NFATC4: variants seen among roughly 807,000 people sequenced by gnomAD.
The protein encoded by NFATC4 is nuclear factor of activated T cells 4, also known as nuclear factor of activated T-cells, cytoplasmic 4.
A neutral mutation model predicts 73.4 loss-of-function variants in NFATC4; 25 were observed. The ratio of observed to expected loss-of-function variants is 0.34; its 90% confidence interval spans 0.25 to 0.48. The LOEUF (loss-of-function observed/expected upper bound fraction) is 0.48, where lower values mean the gene tolerates loss of function less well. NFATC4 is among the 20% of genes least tolerant of loss of function. NFATC4 has a pLI of 0.99. For synonymous variants in NFATC4, 523 were observed against 510.3 expected (o/e 1.02, Z -0.34); for missense variants, 1,130 against 1,203.7 (o/e 0.94, Z 0.91).
rs112731647 is a variant in NFATC4, at chr14:24,372,385, C to T, written c.1197-56C>T. 4.8e-5 allele frequency: 76 copies of T among 1,577,602 alleles called. 1 individual carries two copies. In the Middle Eastern group the frequency reaches 8.7e-4, roughly 18 times the overall value. ...CCCCTCCTCCCTCACAGATCCAGTA[C>T]GGGCCTGACTGGGGTCTGAGGCTGC... is the stretch of plus-strand genomic sequence containing the variant. On this transcript the variant is annotated intron_variant, in intron 2 of 9. Transcript: ENST00000250373.
At position 24,368,373 on chromosome 14, in the gene NFATC4, G is replaced by A; in HGVS notation, c.33G>A (p.Leu11=). 1 of 1,376,016 alleles carries A rather than the reference G, an allele frequency of 7.3e-7. No individual in the cohort carries two copies. The highest frequency in any genetic ancestry group is 1.9e-5 in the South Asian group (1 of 52,740). 85.2% of individuals were successfully genotyped at this position (1,376,016 alleles called of 1,614,324 possible). MGAASCEDEE[L]EFKLVFGEEK... ...CGGCCAGCTGCGAGGATGAGGAGCT[G>A]GAATTTAAGCTGGTGTTCGGGGAGG... is the stretch of plus-strand genomic sequence containing the variant. The change falls in exon 1 of 10, where the codon CTG becomes CTA. Residue 11 remains leucine, a synonymous_variant. Coordinates refer to ENST00000250373, the MANE Select transcript of NFATC4 (RefSeq NM_004554.5).
intron 1 of NFATC4, 38 bp from the exon 2 acceptor site, chr14:24,369,461 T>C: frequency 1.2e-6 from 2 of 1,612,538 alleles, no homozygotes; most frequent in Non-Finnish European, 1.7e-6. Context: ...GCTTCTCTCT[T>C]TCCCCCTCTC....
At chr14:24,369,142 T>C in intron 1 of NFATC4, 2 of 1,450,124 alleles carry the variant, frequency 1.4e-6, no homozygotes, top group Non-Finnish European at 1.8e-6. Flanking sequence ...GAACCGCTGC[T>C]AATTGGGTTC....
chr14:24,373,425 C>A lies in NFATC4; in HGVS notation c.1559+55C>A. On this transcript the variant is annotated intron_variant, in intron 4 of 9. Coordinates refer to ENST00000250373, the MANE Select transcript of NFATC4 (RefSeq NM_004554.5). The surrounding 1 kb of genome is among the most constrained non-coding windows in gnomAD (Gnocchi z 4.7). Reference sequence around the variant, plus strand: ...GCAGGCTTTGTACTAGCTTTCTCCACTGGGCCTATGCTAGCCCACTTCTTC... The same window carrying A: ...GCAGGCTTTGTACTAGCTTTCTCCAATGGGCCTATGCTAGCCCACTTCTTC... The A allele has an allele frequency of 6.3e-7, 1 of 1,587,150 alleles. No individual in the cohort carries two copies. Among genetic ancestry groups the A allele is most frequent in the Non-Finnish European group, 8.6e-7 (1 of 1,159,098 alleles).
chr14:24,375,191 G>A (rs1007155887), intron 6 of NFATC4, among the ~76,000 whole-genome samples: 26 of 152,122 alleles, frequency 1.7e-4, no homozygotes, highest in African/African-American at 6.0e-4. Flanking sequence ...TGGGATTACA[G>A]GCATGAGCCA....
At position 24,373,707 on chromosome 14, in the gene NFATC4, G is replaced by A. The variant is rs1166898005; in HGVS notation, c.1572G>A (p.Ala524=). The A allele has an allele frequency of 1.4e-5, 22 of 1,610,110 alleles. No homozygotes were observed. Among genetic ancestry groups the A allele is most frequent in the Middle Eastern group, 1.6e-4 (1 of 6,070 alleles). Reference sequence around the variant, plus strand: ...CCTTTGCCTCCAGCATTGACTGCGCGGGAATCCTGAAGCTTCGGAATTCAG... The same window carrying A: ...CCTTTGCCTCCAGCATTGACTGCGCAGGAATCCTGAAGCTTCGGAATTCAG... ...ENNMAANIDC[A]GILKLRNSDI... is the part of the protein sequence containing the mutation. The change falls in exon 5 of 10, where the codon GCG becomes GCA. Residue 524 remains alanine, a synonymous_variant. Coordinates refer to ENST00000250373, the MANE Select transcript of NFATC4 (RefSeq NM_004554.5). The surrounding 1 kb of genome is among the most constrained non-coding windows in gnomAD (Gnocchi z 4.7).
At chr14:24,375,754 TGGGA>T in intron 7 of NFATC4, 39 bp downstream of exon 7, 6 of 525,588 alleles carry the variant, frequency 1.1e-5, no homozygotes, top group Non-Finnish European at 1.6e-5. Context: ...GGGGCGGGGG[TGGGA>T]GAAGGCAGGG....
In NFATC4 at chr14:24,368,404, G is replaced by C. The variant is rs1331137827; in HGVS notation, c.64G>C (p.Glu22Gln). The change falls in exon 1 of 10, where the codon GAG becomes CAG. Residue 22 changes from glutamate (E) to glutamine (Q), a missense_variant. Around this residue, in one of 3 missense-constraint regions of NFATC4, gnomAD observed 585 missense variants for 574.3 expected, o/e 1.02. Transcript: ENST00000250373. ...EFKLVFGEEK[E>Q]APPLGAGGLG... is the part of the protein sequence containing the mutation. ...TAAGCTGGTGTTCGGGGAGGAAAAG[G>C]AGGCCCCCCCGCTGGGCGCGGGGGG... 3.7e-6 allele frequency: 5 copies of C among 1,353,912 alleles called. No homozygotes were observed. In the East Asian group the frequency reaches 1.2e-4, roughly 33 times the overall value. The allele number at this position is 1,353,912 out of a possible 1,614,324, so 83.9% of individuals were successfully genotyped here. A position where few individuals can be genotyped will look rare whatever the true frequency, so the allele number is the denominator to read the frequency against.
chr14:24,370,610 G>A lies in NFATC4; in HGVS notation c.1196+16G>A, dbSNP rs200091677. 3.1e-6 allele frequency: 5 copies of A among 1,594,002 alleles called. No homozygotes were observed. The African/African-American group carries it at 4.0e-5, about 13-fold the overall frequency. On this transcript the variant is annotated intron_variant, in intron 2 of 9. Transcript: ENST00000250373. ...CTATCTTCAGGTGAGGGTTGCGCCT[G>A]GCACTACCGCTCTCTCTAGCCATTC... is the stretch of plus-strand genomic sequence containing the variant.
rs760982551 is a variant in NFATC4, at chr14:24,368,409, C to T, written c.69C>T (p.Ala23=). The change falls in exon 1 of 10, where the codon GCC becomes GCT. Residue 23 remains alanine (A), a synonymous_variant. Transcript: ENST00000250373. ...FKLVFGEEKE[A]PPLGAGGLGE... The stretch of plus-strand genomic sequence containing the variant: ...TGGTGTTCGGGGAGGAAAAGGAGGC[C>T]CCCCCGCTGGGCGCGGGGGGATTGG... The T allele has an allele frequency of 5.2e-6, 7 of 1,348,450 alleles. No individual in the cohort carries two copies. The highest frequency in any genetic ancestry group is 1.5e-5 in the African/African-American group (1 of 65,490). The allele number at this position is 1,348,450 out of a possible 1,614,324, so 83.5% of individuals were successfully genotyped here.
intron 5 of NFATC4, 114 bp from the exon 6 acceptor site, chr14:24,374,212 C>T (rs1020525624): frequency 3.0e-6 from 4 of 1,313,236 alleles, no homozygotes; most frequent in Non-Finnish European, 4.2e-6. Context: ...GTGTCTACTG[C>T]TGAGGAGGGC....
chr14:24,372,779 A>G, intron 3 of NFATC4, 176 bp downstream of exon 3: 1 of 726,678 alleles, frequency 1.4e-6, no homozygotes. Flanking sequence ...TATACTTTCT[A>G]CTCCTGTCCT....
At position 24,370,436 on chromosome 14, in the gene NFATC4, G is replaced by A. The variant is rs775232914; in HGVS notation, c.1038G>A (p.Glu346=). The change falls in exon 2 of 10, where the codon GAG becomes GAA. Residue 346 remains glutamate, a synonymous_variant. Transcript: ENST00000250373. ...CAGTGGCTCTGCCTCGGTCTGAGGA[G>A]CCTGCCTCATGCAATGGGAAGCTGC... ...EQAVALPRSE[E]PASCNGKLPL... The A allele has an allele frequency of 1.9e-6, 3 of 1,614,024 alleles. No homozygotes were observed. The highest frequency in any genetic ancestry group is 3.3e-5 in the Admixed American group (2 of 60,014).
Position 24,375,645 on chromosome 14 carries a change from G to C in NFATC4, c.1874-15G>C. 6.4e-7 allele frequency: 1 copy of C among 1,550,512 alleles called. No individual in the cohort carries two copies. Among genetic ancestry groups the C allele is most frequent in the Non-Finnish European group, 8.7e-7 (1 of 1,145,978 alleles). ...CGCTGGAGTTGGGCTGCAGCTCTCT[G>C]TTCCCTCTGGACAGATGGGAAGCTG... On this transcript the variant is annotated splice_polypyrimidine_tract_variant and intron_variant, in intron 6 of 9. Transcript: ENST00000250373.
intron 3 of NFATC4, chr14:24,372,930 A>G (rs920767558): frequency 3.3e-6 from 2 of 599,778 alleles, no homozygotes; most frequent in African/African-American, 3.7e-5. Context: ...GAGTTGGGCC[A>G]GTCTCTTTGG....
rs77893724 is a variant in NFATC4 at position 24,373,357 on chromosome 14, A to C, written c.1546A>C (p.Asn516His). The C allele has an allele frequency of 1.5e-4, 239 of 1,613,922 alleles. 1 individual carries two copies. The East Asian group carries it at 4.3e-3, about 29-fold the overall frequency. Residue 516 changes from asparagine to histidine, a missense_variant, in exon 4 of 10, where the codon AAC (asparagine) becomes CAC (histidine). Transcript: ENST00000250373. The surrounding 1 kb of genome is among the most constrained non-coding windows in gnomAD (Gnocchi z 4.7). ...VLEMTLLPEN[N>H]MAANIDCAGI... Reference sequence around the variant, plus strand: ...GGAGATGACTCTGCTGCCTGAGAACAACATGGCGGCCAAGTAAGTCCCATG... The same window carrying C: ...GGAGATGACTCTGCTGCCTGAGAACCACATGGCGGCCAAGTAAGTCCCATG...
rs757168461 is a variant in NFATC4, at chr14:24,376,505, A to G, written c.2268A>G (p.Pro756=). The G allele has an allele frequency of 1.2e-6, 2 of 1,613,648 alleles. No homozygotes were observed. Among genetic ancestry groups the G allele is most frequent in the East Asian group, 2.2e-5 (1 of 44,858 alleles). Residue 756 remains proline (P), a synonymous_variant, in exon 9 of 10, where the codon CCA becomes CCG. Transcript: ENST00000250373. This position sits in a 1 kb window ranked among gnomAD's most constrained non-coding sequence, Gnocchi z 5.0. The part of the protein sequence containing the change: ...PPLYPQTGPP[P]SYRPGLRMFP... ...TGTACCCCCAGACGGGGCCCCCACCATCCTACAGACCGGGCCTGCGGATGT... is the reference window on the plus strand; with the variant it reads ...TGTACCCCCAGACGGGGCCCCCACCGTCCTACAGACCGGGCCTGCGGATGT...
rs1044708415 is a variant in NFATC4 at position 24,379,466 on chromosome 14, C to A, written c.*1761C>A. On this transcript the variant is annotated 3_prime_UTR_variant, in exon 10 of 10. Transcript: ENST00000250373. Reference sequence around the variant, plus strand: ...TTGTTGCCTCTCAAGGTGGACTATTCTGTTTTCTGCCAGGACACTGCCATT... The same window carrying A: ...TTGTTGCCTCTCAAGGTGGACTATTATGTTTTCTGCCAGGACACTGCCATT... 2.6e-5 allele frequency: 4 copies of A among 152,214 alleles called. No homozygotes were observed. Among genetic ancestry groups the A allele is most frequent in the African/African-American group, 9.7e-5 (4 of 41,436 alleles). 9.4% of individuals were successfully genotyped at this position (152,214 alleles called of 1,614,324 possible). A position where few individuals can be genotyped will look rare whatever the true frequency, so the allele number is the denominator to read the frequency against.
intron 1 of NFATC4, 200 bp from the exon 2 acceptor site, chr14:24,369,299 G>C: frequency 6.4e-7 from 1 of 1,569,190 alleles, no homozygotes; most frequent in Non-Finnish European, 8.6e-7. Flanking sequence ...GGGGCCAGTG[G>C]GCAAAGGCCT....
Sources: allele counts gnomAD v4.1 joint callset (sites outside exome capture counted in the v4.1 genomes callset), GRCh38; gene constraint gnomAD v4.1.1; regional missense constraint gnomAD v4.1.1; non-coding constraint Gnocchi (gnomAD v3.1); transcripts MANE v1.5; gene names NCBI Gene and HGNC (gene_info 2026-07-23, HGNC 2026-07-21).